The following CHST5 variants were observed in gnomAD, a reference collection of about 807,000 sequenced individuals.
CHST5 encodes the protein carbohydrate sulfotransferase 5, also known as GST4-alpha.
For synonymous variants in CHST5, 313 were observed against 279.2 expected (o/e 1.12, Z -1.21); for missense variants, 637 against 602.1 (o/e 1.06, Z -0.61).
In CHST5 at chr16:75,529,399, G is replaced by A; in HGVS notation, c.986C>T (p.Thr329Ile). 1 of 1,613,114 alleles carries A rather than the reference G, an allele frequency of 6.2e-7. No homozygotes were observed. Among genetic ancestry groups the A allele is most frequent in the East Asian group, 2.2e-5 (1 of 44,884 alleles). ...PQLEAWIHNI[T>I]HGSGIGKPIE... ...TGGCTTGCCGATCCCCGACCCGTGG[G>A]TGATGTTGTGGATCCAGGCCTCGAG... The change falls in exon 4 of 4, where the codon ACC (threonine) becomes ATC (isoleucine). Residue 329 changes from threonine to isoleucine, a missense_variant. By Grantham distance (89) the Thr-to-Ile change is moderately conservative. Transcript: ENST00000336257.
chr16:75,532,307 G>T (rs1461441215), intron 3 of CHST5, among the ~76,000 whole-genome samples: 1 of 152,198 alleles, frequency 6.6e-6, no homozygotes, highest in African/African-American at 2.4e-5. Flanking sequence ...TTCTCACAGG[G>T]TGGAAGGAAC....
Position 75,531,007 on chromosome 16 carries a change from A to G in CHST5, c.-623T>C, listed in dbSNP as rs1008765489. On this transcript the variant is annotated 5_prime_UTR_variant, in exon 4 of 4. Transcript: ENST00000336257. ...TACAAGGTGTGCTTCTGTATTATATAATTTTTTTAACAGGCAGGTATAAAA... is the reference window on the plus strand; with the variant it reads ...TACAAGGTGTGCTTCTGTATTATATGATTTTTTTAACAGGCAGGTATAAAA... 3.0e-6 allele frequency: 3 copies of G among 1,001,206 alleles called. No individual in the cohort carries two copies. The highest frequency in any genetic ancestry group is 3.5e-5 in the African/African-American group (2 of 57,178). The allele number at this position is 1,001,206 out of a possible 1,614,324, so 62.0% of individuals were successfully genotyped here. A position where few individuals can be genotyped will look rare whatever the true frequency, so the allele number is the denominator to read the frequency against.
rs775654122 is a variant in CHST5 at position 75,529,362 on chromosome 16, G to T, written c.1023C>A (p.Phe341Leu). 3.2e-5 allele frequency: 52 copies of T among 1,613,124 alleles called. 1 individual carries two copies. The highest frequency in any genetic ancestry group is 3.1e-5 in the Non-Finnish European group (36 of 1,179,942). ...TGCGCGCATTCCTAGACGAAGTATG[G>T]AAGGCCTCGATTGGCTTGCCGATCC... ...GSGIGKPIEA[F>L]HTSSRNARNV... The change falls in exon 4 of 4, where the codon TTC becomes TTA. Residue 341 changes from phenylalanine (F) to leucine (L), a missense_variant. Physicochemically the swap from Phe to Leu is conservative, Grantham distance 22 (BLOSUM62 0). Transcript: ENST00000336257.
chr16:75,529,389 C>A lies in CHST5; in HGVS notation c.996G>T (p.Ser332=). Residue 332 remains serine, a synonymous_variant, in exon 4 of 4, where the codon TCG becomes TCT. Coordinates refer to ENST00000336257, the MANE Select transcript of CHST5 (RefSeq NM_024533.5). The stretch of plus-strand genomic sequence containing the variant: ...AGGCCTCGATTGGCTTGCCGATCCC[C>A]GACCCGTGGGTGATGTTGTGGATCC... The part of the protein sequence containing the change: ...EAWIHNITHG[S]GIGKPIEAFH... 3 of 1,613,040 alleles carry A rather than the reference C, an allele frequency of 1.9e-6. No individual in the cohort carries two copies. The highest frequency in any genetic ancestry group is 2.5e-6 in the Non-Finnish European group (3 of 1,179,904).
Position 75,530,623 on chromosome 16 carries a change from C to T in CHST5, c.-239G>A, listed in dbSNP as rs2080511094. The T allele has an allele frequency of 1.4e-6, 2 of 1,398,578 alleles. No homozygotes were observed. Among genetic ancestry groups the T allele is most frequent in the Non-Finnish European group, 1.9e-6 (2 of 1,073,876 alleles). The allele number at this position is 1,398,578 out of a possible 1,614,324, so 86.6% of individuals were successfully genotyped here. Reference sequence around the variant, plus strand: ...ACCCACCTACTTACATACCTACAGGCTATCTATCTGTAGAGAGAAATACTA... The same window carrying T: ...ACCCACCTACTTACATACCTACAGGTTATCTATCTGTAGAGAGAAATACTA... On this transcript the variant is annotated 5_prime_UTR_variant, in exon 4 of 4. Coordinates refer to ENST00000336257, the MANE Select transcript of CHST5 (RefSeq NM_024533.5).
Position 75,529,092 on chromosome 16 carries a change from A to G in CHST5, c.*57T>C. 1.3e-6 allele frequency: 2 copies of G among 1,499,982 alleles called. No individual in the cohort carries two copies. Among genetic ancestry groups the G allele is most frequent in the Non-Finnish European group, 1.8e-6 (2 of 1,126,168 alleles). The allele number at this position is 1,499,982 out of a possible 1,614,324, so 92.9% of individuals were successfully genotyped here. A position where few individuals can be genotyped will look rare whatever the true frequency, so the allele number is the denominator to read the frequency against. On this transcript the variant is annotated 3_prime_UTR_variant, in exon 4 of 4. Transcript: ENST00000336257. ...CGCCCCAGCTCCCTCTCCACCATGC[A>G]GTCGCCTCCTGGGCCTGGCGACCAC...
rs544511691 is a variant in CHST5, at chr16:75,532,808, C to T, written c.-1257+281G>A. The stretch of plus-strand genomic sequence containing the variant: ...TCACAAGTGCTAGGTGCTTCGAGTC[C>T]ACTGGATAACTTAACTCTGGGCCCT... On this transcript the variant is annotated intron_variant, in intron 3 of 3. Coordinates refer to ENST00000336257, the MANE Select transcript of CHST5 (RefSeq NM_024533.5). Among the ~76,000 whole-genome samples, 171 of 152,342 alleles carry T rather than the reference C, an allele frequency of 1.1e-3. 1 individual carries two copies. In the Middle Eastern group the frequency reaches 0.014, roughly 12 times the overall value.
chr16:75,531,901 T>C (rs749280420), intron 3 of CHST5, among the ~76,000 whole-genome samples: 36 of 152,106 alleles, frequency 2.4e-4, no homozygotes, highest in Admixed American at 1.3e-4. Context: ...GGTCTCCTGA[T>C]GGATGGAAGC....
Position 75,529,520 on chromosome 16 carries a change from G to C in CHST5, c.865C>G (p.Arg289Gly). 6.2e-7 allele frequency: 1 copy of C among 1,610,368 alleles called. No homozygotes were observed. The highest frequency in any genetic ancestry group is 2.2e-5 in the East Asian group (1 of 44,876). Residue 289 changes from arginine to glycine, a missense_variant, in exon 4 of 4, where the codon CGC becomes GGC. Transcript: ENST00000336257. Reference sequence around the variant, plus strand: ...TCCTCGAAGCGCACCAGGCGGTAGCGGCCGCGCAGGAAGGGTGGCGGCTTG... The same window carrying C: ...TCCTCGAAGCGCACCAGGCGGTAGCCGCCGCGCAGGAAGGGTGGCGGCTTG... ...TLKPPPFLRGRYRLVRFEDLA... is the reference protein window; with the variant it reads ...TLKPPPFLRGGYRLVRFEDLA...
rs751932621 is a variant in CHST5, at chr16:75,530,211, GC to G, written c.173del (p.Gly58AlafsTer34). On this transcript the variant is annotated frameshift_variant, in exon 4 of 4. Transcript: ENST00000336257. LOFTEE classifies it low-confidence loss of function (END_TRUNC). Reference sequence around the variant, plus strand: ...CCAGCACGTGCACACGATCCTCGCCGCCGGCTGGGGATGAGGGCCCTGGCCG... The same window carrying G: ...CCAGCACGTGCACACGATCCTCGCCGCGGCTGGGGATGAGGGCCCTGGCCG... ...ISRPGPSSPA[G>X]GEDRVHVLVL... 9.9e-6 allele frequency: 16 copies of G among 1,613,614 alleles called. No homozygotes were observed. Among genetic ancestry groups the G allele is most frequent in the Non-Finnish European group, 1.4e-5 (16 of 1,179,948 alleles).
In CHST5 at chr16:75,529,951, C is replaced by T. The variant is rs769770181; in HGVS notation, c.434G>A (p.Trp145Ter). ...QSRNLSAFFNWATSRALCSPP... is the reference protein window; with the variant it reads ...QSRNLSAFFN ...CGAGCACAGCGCGCGGCTCGTTGCC[C>T]AGTTGAAAAAGGCGGACAGGTTTCG... Residue 145 changes from tryptophan to a stop codon, truncating the protein, a stop_gained, in exon 4 of 4, where the codon TGG (tryptophan) becomes TAG (stop). Coordinates refer to ENST00000336257, the MANE Select transcript of CHST5 (RefSeq NM_024533.5). LOFTEE classifies it low-confidence loss of function (END_TRUNC). 4.4e-5 allele frequency: 71 copies of T among 1,613,150 alleles called. No homozygotes were observed. Among genetic ancestry groups the T allele is most frequent in the Non-Finnish European group, 5.9e-5 (70 of 1,179,952 alleles).
In CHST5 at chr16:75,529,485, C is replaced by T. The variant is rs142536579; in HGVS notation, c.900G>A (p.Arg300=). The stretch of plus-strand genomic sequence containing the variant: ...GTGCGCGGATCTCTGCCAGCGGCTC[C>T]CGCGCCAGGTCCTCGAAGCGCACCA... The part of the protein sequence containing the change: ...YRLVRFEDLA[R]EPLAEIRALY... Residue 300 remains arginine (R), a synonymous_variant, in exon 4 of 4, where the codon CGG becomes CGA. Coordinates refer to ENST00000336257, the MANE Select transcript of CHST5 (RefSeq NM_024533.5). The T allele has an allele frequency of 4.3e-6, 7 of 1,611,844 alleles. No homozygotes were observed. The African/African-American group carries it at 6.7e-5, about 15-fold the overall frequency.
At chr16:75,532,664 C>T (rs1374494957) in intron 3 of CHST5, among the ~76,000 whole-genome samples, 2 of 152,178 alleles carry the variant, frequency 1.3e-5, no homozygotes, top group African/African-American at 4.8e-5. Flanking sequence ...AGGAGAGTAG[C>T]CCCCCACCTC....
chr16:75,531,269 C>T lies in CHST5; in HGVS notation c.-885G>A, dbSNP rs1396048795. The T allele has an allele frequency of 3.0e-5, 21 of 708,420 alleles. No individual in the cohort carries two copies. The East Asian group carries it at 2.7e-3, about 92-fold the overall frequency. The allele number at this position is 708,420 out of a possible 1,614,324, so 43.9% of individuals were successfully genotyped here. A position where few individuals can be genotyped will look rare whatever the true frequency, so the allele number is the denominator to read the frequency against. On this transcript the variant is annotated 5_prime_UTR_variant, in exon 4 of 4. Coordinates refer to ENST00000336257, the MANE Select transcript of CHST5 (RefSeq NM_024533.5). ...CCTGGGAGGCAGAGGTGGCAGTGAG[C>T]TGAGATTGCGCCACTGCACTGCAGC...
chr16:75,529,078 C>G lies in CHST5; in HGVS notation c.*71G>C. 6.8e-7 allele frequency: 1 copy of G among 1,480,296 alleles called. No individual in the cohort carries two copies. Among genetic ancestry groups the G allele is most frequent in the African/African-American group, 1.4e-5 (1 of 71,188 alleles). 91.7% of individuals were successfully genotyped at this position (1,480,296 alleles called of 1,614,324 possible). A position where few individuals can be genotyped will look rare whatever the true frequency, so the allele number is the denominator to read the frequency against. ...CCTGCTTCCCCATGCGCCCCAGCTCCCTCTCCACCATGCAGTCGCCTCCTG... is the reference window on the plus strand; with the variant it reads ...CCTGCTTCCCCATGCGCCCCAGCTCGCTCTCCACCATGCAGTCGCCTCCTG... On this transcript the variant is annotated 3_prime_UTR_variant, in exon 4 of 4. Coordinates refer to ENST00000336257, the MANE Select transcript of CHST5 (RefSeq NM_024533.5).
rs1010614698 is a variant in CHST5, at chr16:75,531,132, C to A, written c.-748G>T. On this transcript the variant is annotated 5_prime_UTR_variant, in exon 4 of 4. Transcript: ENST00000336257. ...GGTCAGGAGATCGAGACCATCCTGG[C>A]TAACACAGTGAGACCCCATCTCTAC... 1 of 785,086 alleles carries A rather than the reference C, an allele frequency of 1.3e-6. No homozygotes were observed. Among genetic ancestry groups the A allele is most frequent in the African/African-American group, 1.9e-5 (1 of 52,568 alleles). 48.6% of individuals were successfully genotyped at this position (785,086 alleles called of 1,614,324 possible). A position where few individuals can be genotyped will look rare whatever the true frequency, so the allele number is the denominator to read the frequency against.
rs755599443 is a variant in CHST5 at position 75,530,638 on chromosome 16, G to C, written c.-254C>G. The C allele has an allele frequency of 1.2e-4, 158 of 1,362,150 alleles. No individual in the cohort carries two copies. Among genetic ancestry groups the C allele is most frequent in the Middle Eastern group, 2.8e-4 (1 of 3,636 alleles). The allele number at this position is 1,362,150 out of a possible 1,614,324, so 84.4% of individuals were successfully genotyped here. On this transcript the variant is annotated 5_prime_UTR_variant, in exon 4 of 4. Transcript: ENST00000336257. ...TACCTACAGGCTATCTATCTGTAGA[G>C]AGAAATACTATGTTTCAAAGAGAAC...
rs111693063 is a variant in CHST5, at chr16:75,530,213, C to G, written c.172G>C (p.Gly58Arg). Residue 58 changes from glycine to arginine, a missense_variant, in exon 4 of 4, where the codon GGC becomes CGC. Coordinates refer to ENST00000336257, the MANE Select transcript of CHST5 (RefSeq NM_024533.5). ...ISRPGPSSPA[G>R]GEDRVHVLVL... is the part of the protein sequence containing the mutation. ...AGCACGTGCACACGATCCTCGCCGC[C>G]GGCTGGGGATGAGGGCCCTGGCCGG... 1 of 1,613,644 alleles carries G rather than the reference C, an allele frequency of 6.2e-7. No homozygotes were observed. Among genetic ancestry groups the G allele is most frequent in the Non-Finnish European group, 8.5e-7 (1 of 1,179,964 alleles).
Position 75,531,530 on chromosome 16 carries a change from G to C in CHST5, c.-1146C>G, listed in dbSNP as rs185872264. ...GAGCTGGGATGGAGCCCAAGAAGCA[G>C]AGAGGTGAGAGCAGAGTACTGTCCT... On this transcript the variant is annotated 5_prime_UTR_variant, in exon 4 of 4. Transcript: ENST00000336257. The C allele has an allele frequency of 5.3e-4, 694 of 1,302,240 alleles. 2 individuals are homozygous for C. In the African/African-American group the frequency reaches 9.6e-3, roughly 18 times the overall value. The allele number at this position is 1,302,240 out of a possible 1,614,324, so 80.7% of individuals were successfully genotyped here.
Sources: gnomAD v4.1 joint callset for allele counts (sites outside exome capture counted in the v4.1 genomes callset) on GRCh38, gnomAD v4.1.1 for gene constraint, MANE v1.5 for transcripts, NCBI Gene and HGNC (gene_info 2026-07-23, HGNC 2026-07-21) for gene names.